Variants in ZCCHC2 observed in about 807,000 individuals in gnomAD.
ZCCHC2 encodes zinc finger CCHC domain-containing protein 2.
A neutral mutation model predicts 103.6 loss-of-function variants in ZCCHC2; 39 were observed. That is an observed-to-expected ratio of 0.38 (90% confidence interval 0.29 to 0.49). ZCCHC2 has a LOEUF of 0.49. Among genes scored for constraint, ZCCHC2 ranks in the 20% least tolerant of loss-of-function variants. The pLI, the probability that ZCCHC2 is intolerant of heterozygous loss-of-function variation, is 0.96. For synonymous variants in ZCCHC2, 687 were observed against 608.9 expected (o/e 1.13, Z -1.89); for missense variants, 1,483 against 1,491.0 (o/e 0.99, Z 0.09).
At chr18:62,540,750 G>A (rs1293938487) in intron 2 of ZCCHC2, among the ~76,000 whole-genome samples, 1 of 152,144 alleles carries the variant, frequency 6.6e-6, no homozygotes, top group South Asian at 2.1e-4. Context: ...AGGTGGTACT[G>A]TAGATTATTT....
In ZCCHC2 at chr18:62,577,909, G is replaced by A. The variant is rs1333945252; in HGVS notation, c.*1330G>A. 1 of 152,810 alleles carries A rather than the reference G, an allele frequency of 6.5e-6. No homozygotes were observed. The highest frequency in any genetic ancestry group is 1.5e-5 in the Non-Finnish European group (1 of 68,270). The allele number at this position is 152,810 out of a possible 1,614,324, so 9.5% of individuals were successfully genotyped here. A position where few individuals can be genotyped will look rare whatever the true frequency, so the allele number is the denominator to read the frequency against. ...AGCAATGAACAGTTTCCACTGTATA[G>A]TCCTAGGGGTCAGGGGGTGGGGGTT... On this transcript the variant is annotated 3_prime_UTR_variant, in exon 14 of 14. Transcript: ENST00000269499.
chr18:62,570,955 T>C (rs1916574593), intron 12 of ZCCHC2, among the ~76,000 whole-genome samples: 1 of 152,236 alleles, frequency 6.6e-6, no homozygotes, highest in African/African-American at 2.4e-5. Context: ...TTCTCAGGTC[T>C]GCCTTGGAAA....
In ZCCHC2 at chr18:62,523,340, G is replaced by C. The variant is rs927831885; in HGVS notation, c.-85G>C. Reference sequence around the variant, plus strand: ...GCATGGAGGGGCCCCGCTCCTGACGGCCGCGCCGCCGCCTCGGCCCGTGCT... The same window carrying C: ...GCATGGAGGGGCCCCGCTCCTGACGCCCGCGCCGCCGCCTCGGCCCGTGCT... On this transcript the variant is annotated 5_prime_UTR_variant, in exon 1 of 14. Transcript: ENST00000269499. 201 of 987,648 alleles carry C rather than the reference G, an allele frequency of 2.0e-4. No homozygotes were observed. In the African/African-American group the frequency reaches 3.3e-3, roughly 16 times the overall value. The allele number at this position is 987,648 out of a possible 1,614,324, so 61.2% of individuals were successfully genotyped here.
Position 62,553,757 on chromosome 18 carries a change from G to A in ZCCHC2, c.1314-2446G>A, listed in dbSNP as rs531194911. Among the ~76,000 whole-genome samples the A allele has an allele frequency of 2.0e-5, 3 of 152,276 alleles. No homozygotes were observed. The South Asian group carries it at 6.2e-4, about 32-fold the overall frequency. On this transcript the variant is annotated intron_variant, in intron 5 of 13. Transcript: ENST00000269499. Reference sequence around the variant, plus strand: ...CAATTGCTCTTCTTTGCCCATCTCGGAAAGACAGTCCGATTTCAGTTTGTG... The same window carrying A: ...CAATTGCTCTTCTTTGCCCATCTCGAAAAGACAGTCCGATTTCAGTTTGTG...
rs201354783 is a variant in ZCCHC2, at chr18:62,565,070, A to G, written c.1820A>G (p.Gln607Arg). The change falls in exon 11 of 14, where the codon CAG becomes CGG. Residue 607 changes from glutamine to arginine, a missense_variant. By Grantham distance (43) the Gln-to-Arg change is conservative (BLOSUM62 1). Coordinates refer to ENST00000269499, the MANE Select transcript of ZCCHC2 (RefSeq NM_017742.6). ...RINGIRLSTP[Q>R]HAHGGTVKDV... Reference sequence around the variant, plus strand: ...AATGGTATTAGACTCTCCACTCCTCAGCATGCCCATGGTGGTACTGTGAAA... The same window carrying G: ...AATGGTATTAGACTCTCCACTCCTCGGCATGCCCATGGTGGTACTGTGAAA... The G allele has an allele frequency of 2.4e-4, 383 of 1,613,400 alleles. No homozygotes were observed. The highest frequency in any genetic ancestry group is 3.1e-4 in the Non-Finnish European group (363 of 1,179,548).
At chr18:62,535,604 C>T (rs753785388) in intron 1 of ZCCHC2, among the ~76,000 whole-genome samples, 27 of 152,136 alleles carry the variant, frequency 1.8e-4, no homozygotes, top group African/African-American at 2.7e-4. Context: ...CCATCAAGTG[C>T]GGCTGCCAGG....
At position 62,542,712 on chromosome 18, in the gene ZCCHC2, A is replaced by G. The variant is rs1598938910; in HGVS notation, c.1128+138A>G. ...TTAAGAGAATGTACTGTTTTTTATCATATACTACTGCATGGTTTGCCAAGT... is the reference window on the plus strand; with the variant it reads ...TTAAGAGAATGTACTGTTTTTTATCGTATACTACTGCATGGTTTGCCAAGT... On this transcript the variant is annotated intron_variant, in intron 3 of 13. Transcript: ENST00000269499. 6 of 714,338 alleles carry G rather than the reference A, an allele frequency of 8.4e-6. No homozygotes were observed. In the South Asian group the frequency reaches 1.1e-4, roughly 13 times the overall value. The allele number at this position is 714,338 out of a possible 1,614,324, so 44.2% of individuals were successfully genotyped here. A position where few individuals can be genotyped will look rare whatever the true frequency, so the allele number is the denominator to read the frequency against.
Position 62,574,638 on chromosome 18 carries a change from A to C in ZCCHC2, c.2557A>C (p.Asn853His). Residue 853 changes from asparagine to histidine, a missense_variant, in exon 13 of 14, where the codon AAC (asparagine) becomes CAC (histidine). By Grantham distance (68) the Asn-to-His change is moderately conservative. Transcript: ENST00000269499. ...AAACACTGCCTTTATTCCTATCCAT[A>C]ACCCAGGTAGTTTCCCAGGCTCTCC... is the stretch of plus-strand genomic sequence containing the variant. ...SPNTAFIPIH[N>H]PGSFPGSPVA... 6.2e-7 allele frequency: 1 copy of C among 1,613,892 alleles called. No individual in the cohort carries two copies. The highest frequency in any genetic ancestry group is 8.5e-7 in the Non-Finnish European group (1 of 1,179,862).
At chr18:62,542,721 T>C (rs778510129) in intron 3 of ZCCHC2, 147 bp downstream of exon 3, 34 of 637,262 alleles carry the variant, frequency 5.3e-5, no homozygotes, top group Non-Finnish European at 8.9e-5. Flanking sequence ...CATATACTAC[T>C]GCATGGTTTG....
intron 4 of ZCCHC2, among the ~76,000 whole-genome samples, chr18:62,547,475 CT>C (rs1303970614): frequency 3.3e-5 from 5 of 151,848 alleles, no homozygotes; most frequent in East Asian, 1.9e-4. Flanking sequence ...ATTTCAAGTC[CT>C]TTTTTCCCAT....
chr18:62,574,877 C>G lies in ZCCHC2; in HGVS notation c.2796C>G (p.Asn932Lys), dbSNP rs1030491935. ...CTGCCGGCGTGTTACCCAGCCAGAA[C>G]TCCAGTGTGCTCAGCACAGCAGCAA... Reference protein sequence around the residue: ...PLAAGVLPSQNSSVLSTAATS... With the variant: ...PLAAGVLPSQKSSVLSTAATS... Residue 932 changes from asparagine (N) to lysine (K), a missense_variant, in exon 13 of 14, where the codon AAC (asparagine) becomes AAG (lysine). Asn to Lys is a moderately conservative substitution (Grantham distance 94). Around this residue, in one of 3 missense-constraint regions of ZCCHC2, gnomAD observed 884 missense variants for 907.5 expected, o/e 0.97. Transcript: ENST00000269499. 2 of 1,613,870 alleles carry G rather than the reference C, an allele frequency of 1.2e-6. No individual in the cohort carries two copies. Among genetic ancestry groups the G allele is most frequent in the Non-Finnish European group, 1.7e-6 (2 of 1,179,886 alleles).
chr18:62,530,927 ATTC>A (rs778561049), intron 1 of ZCCHC2, among the ~76,000 whole-genome samples: 9 of 152,170 alleles, frequency 5.9e-5, no homozygotes, highest in Non-Finnish European at 8.8e-5. Context: ...AAGTTACATG[ATTC>A]TTTGTTAGTT....
intron 4 of ZCCHC2, among the ~76,000 whole-genome samples, chr18:62,550,011 G>A (rs766897206): frequency 7.2e-5 from 11 of 152,124 alleles, no homozygotes; most frequent in East Asian, 1.9e-4. Context: ...ACCTTAACTC[G>A]AGAACCTTAG....
chr18:62,574,473 A>G lies in ZCCHC2; in HGVS notation c.2392A>G (p.Thr798Ala). 6.2e-7 allele frequency: 1 copy of G among 1,613,918 alleles called. No individual in the cohort carries two copies. The highest frequency in any genetic ancestry group is 8.5e-7 in the Non-Finnish European group (1 of 1,179,884). The change falls in exon 13 of 14, where the codon ACC becomes GCC. Residue 798 changes from threonine (T) to alanine (A), a missense_variant. By Grantham distance (58) the Thr-to-Ala change is moderately conservative. This residue lies in a region of ZCCHC2 where 884 missense variants were observed against 907.5 expected (regional missense o/e 0.97). Transcript: ENST00000269499. ...GGCTTCCCCTTTACCTATTCCATCA[A>G]CCTTCCTTCCACACAGTAGTACTCC... is the stretch of plus-strand genomic sequence containing the variant. ...LLASPLPIPS[T>A]FLPHSSTPAL... is the part of the protein sequence containing the mutation.
intron 12 of ZCCHC2, 110 bp downstream of exon 12, chr18:62,570,341 T>C: frequency 7.6e-7 from 1 of 1,315,784 alleles, no homozygotes; most frequent in Non-Finnish European, 1.1e-6. Context: ...TATGATCCTA[T>C]AAATGCCATT....
chr18:62,569,288 G>C (rs1272217682), intron 11 of ZCCHC2, among the ~76,000 whole-genome samples: 1 of 152,010 alleles, frequency 6.6e-6, no homozygotes, highest in Non-Finnish European at 1.5e-5. Flanking sequence ...CACATATTTT[G>C]CCCGTGCAAT....
chr18:62,534,618 AT>A (rs1195659601), intron 1 of ZCCHC2, among the ~76,000 whole-genome samples: 2 of 152,204 alleles, frequency 1.3e-5, no homozygotes, highest in Non-Finnish European at 2.9e-5. Context: ...ATGTTGGGGA[AT>A]TTTTATGTTT....
chr18:62,563,205 A>G, intron 9 of ZCCHC2, 61 bp downstream of exon 9: 1 of 1,552,646 alleles, frequency 6.4e-7, no homozygotes, highest in South Asian at 1.2e-5. Context: ...ATAAGAAAAA[A>G]ATTAAGTTCT....
At chr18:62,567,465 A>T (rs1211013138) in intron 11 of ZCCHC2, among the ~76,000 whole-genome samples, 1 of 152,228 alleles carries the variant, frequency 6.6e-6, no homozygotes, top group African/African-American at 2.4e-5. Context: ...TAATCCATTT[A>T]TGTAGCTCAG....
Sources: gnomAD v4.1 joint callset for allele counts (sites outside exome capture counted in the v4.1 genomes callset) on GRCh38, gnomAD v4.1.1 for gene constraint, gnomAD v4.1.1 regional missense constraint, MANE v1.5 for transcripts, NCBI Gene and HGNC (gene_info 2026-07-23, HGNC 2026-07-21) for gene names.